Variants in CCND2 observed in about 807,000 individuals in gnomAD.
The protein encoded by CCND2 is cyclin D2.
In CCND2, 6 loss-of-function variants were observed where a neutral mutation model predicts 30.2. That is an observed-to-expected ratio of 0.20 (90% CI 0.11 to 0.39). CCND2 has a LOEUF of 0.39. CCND2 is among the 10% of genes least tolerant of loss of function. The probability of loss-of-function intolerance (pLI) is 1.00; values close to 1 mark genes in which losing one functional copy is unlikely to be tolerated. For missense variants in CCND2, 235 were observed against 373.4 expected, an observed-to-expected ratio of 0.63 and a Z score of 3.06; for synonymous variants, 150 against 153.1, an observed-to-expected ratio of 0.98 and a Z score of 0.15.
intron 2 of CCND2, 28 bp from the exon 3 acceptor site, chr12:4,278,732 C>G: frequency 6.2e-7 from 1 of 1,611,828 alleles, no homozygotes. Flanking sequence ...TTTAGATTCT[C>G]CTCTTCTCTT....
At chr12:4,280,346 C>A (rs1194329098) in intron 3 of CCND2, among the ~76,000 whole-genome samples, 1 of 152,274 alleles carries the variant, frequency 6.6e-6, no homozygotes, top group Non-Finnish European at 1.5e-5. Context: ...TCTGCACTTG[C>A]AGGCTTGAGT....
Position 4,273,984 on chromosome 12 carries a change from G to GA in CCND2, c.-52dup. On this transcript the variant is annotated 5_prime_UTR_variant, in exon 1 of 5. Transcript: ENST00000261254. This position sits in a 1 kb window ranked among gnomAD's most constrained non-coding sequence, Gnocchi z 5.9. ...CCTCCCCTTCCAAAAAACAAAAACA[G>GA]AAAAACCTTTTTCCAGGCCGGGGAA... is the stretch of plus-strand genomic sequence containing the variant. 1.3e-6 allele frequency: 2 copies of GA among 1,551,010 alleles called. No individual in the cohort carries two copies. Among genetic ancestry groups the GA allele is most frequent in the South Asian group, 2.3e-5 (2 of 85,544 alleles).
chr12:4,299,343 G>A lies in CCND2; in HGVS notation c.721-517G>A, dbSNP rs768078372. 2.6e-5 allele frequency among the ~76,000 whole-genome samples: 4 copies of A among 152,202 alleles called. No homozygotes were observed. The highest frequency in any genetic ancestry group is 9.7e-5 in the African/African-American group (4 of 41,442). On this transcript the variant is annotated intron_variant, in intron 4 of 4. Transcript: ENST00000261254. The surrounding 1 kb of genome is among the most constrained non-coding windows in gnomAD (Gnocchi z 5.2). ...CCAGTGCACTCCAGCCTGGGGGACA[G>A]AGTGAGAAAAAGTATTTACAGTTTA... is the stretch of plus-strand genomic sequence containing the variant.
In CCND2 at chr12:4,299,843, C is replaced by T. The variant is rs1388795670; in HGVS notation, c.721-17C>T. ...TGTTCCTCTTACTAACAACTCTGGT[C>T]TGGACCATTGTTCTAGGATTGTCTC... On this transcript the variant is annotated splice_polypyrimidine_tract_variant and intron_variant, in intron 4 of 4. Transcript: ENST00000261254. The surrounding 1 kb of genome is among the most constrained non-coding windows in gnomAD (Gnocchi z 5.2). 1.2e-6 allele frequency: 2 copies of T among 1,612,094 alleles called. No homozygotes were observed. Among genetic ancestry groups the T allele is most frequent in the Non-Finnish European group, 1.7e-6 (2 of 1,178,754 alleles).
intron 3 of CCND2, among the ~76,000 whole-genome samples, chr12:4,284,439 G>T (rs759609317): frequency 3.3e-5 from 5 of 152,216 alleles, no homozygotes; most frequent in Non-Finnish European, 5.9e-5. Flanking sequence ...GTCTGCTTTG[G>T]TTGGAGGGGA....
chr12:4,298,518 C>T (rs1864205336), intron 4 of CCND2, among the ~76,000 whole-genome samples: 1 of 152,208 alleles, frequency 6.6e-6, no homozygotes, highest in East Asian at 1.9e-4. Context: ...GCTGGGATTA[C>T]AGGCATGAGC....
At chr12:4,296,304 G>A (rs1001443368) in intron 4 of CCND2, among the ~76,000 whole-genome samples, 10 of 152,218 alleles carry the variant, frequency 6.6e-5, no homozygotes, top group African/African-American at 1.9e-4. Context: ...AATAGAGCCC[G>A]TGAGGAAGGA....
At chr12:4,297,592 A>AAAG (rs1565438152) in intron 4 of CCND2, among the ~76,000 whole-genome samples, 17 of 150,856 alleles carry the variant, frequency 1.1e-4, no homozygotes, top group African/African-American at 3.7e-4. Context: ...AAAAAAAAAA[A>AAAG]AAAAACAGAA....
In CCND2 at chr12:4,276,300, G is replaced by C; in HGVS notation, c.411+80G>C. The C allele has an allele frequency of 8.3e-7, 1 of 1,209,616 alleles. No individual in the cohort carries two copies. Among genetic ancestry groups the C allele is most frequent in the South Asian group, 1.3e-5 (1 of 74,218 alleles). The allele number at this position is 1,209,616 out of a possible 1,614,324, so 74.9% of individuals were successfully genotyped here. On this transcript the variant is annotated intron_variant, in intron 2 of 4. Transcript: ENST00000261254. This position sits in a 1 kb window ranked among gnomAD's most constrained non-coding sequence, Gnocchi z 4.8. Reference sequence around the variant, plus strand: ...CAACAATATGCCTTCTATCACCACTGCCAGAGCAAATTCTTGGGATCCAGA... The same window carrying C: ...CAACAATATGCCTTCTATCACCACTCCCAGAGCAAATTCTTGGGATCCAGA...
chr12:4,274,468 C>A lies in CCND2; in HGVS notation c.195+233C>A, dbSNP rs892322633. 6.6e-6 allele frequency among the ~76,000 whole-genome samples: 1 copy of A among 152,084 alleles called. No individual in the cohort carries two copies. The highest frequency in any genetic ancestry group is 2.4e-5 in the African/African-American group (1 of 41,398). ...CTGGGAGAAGCGAGGCTGTCCTGGG[C>A]GGGGGTAGGGGAGCATCCCGCGCGC... On this transcript the variant is annotated intron_variant, in intron 1 of 4. Transcript: ENST00000261254. This position sits in a 1 kb window ranked among gnomAD's most constrained non-coding sequence, Gnocchi z 7.7.
At chr12:4,283,938 G>A (rs1863987416) in intron 3 of CCND2, among the ~76,000 whole-genome samples, 1 of 152,216 alleles carries the variant, frequency 6.6e-6, no homozygotes, top group Admixed American at 6.5e-5. Flanking sequence ...GGGACTCGAT[G>A]ATGTCATTTC....
Position 4,278,837 on chromosome 12 carries a change from C to T in CCND2, c.489C>T (p.Ile163=), listed in dbSNP as rs1195221206. 6.2e-7 allele frequency: 1 copy of T among 1,614,222 alleles called. No homozygotes were observed. The part of the protein sequence containing the change: ...AVTPHDFIEH[I]LRKLPQQREK... The stretch of plus-strand genomic sequence containing the variant: ...CTCCTCATGACTTCATTGAGCACAT[C>T]TTGCGCAAGCTGCCCCAGCAGCGGG... The change falls in exon 3 of 5, where the codon ATC becomes ATT. Residue 163 remains isoleucine (I), a synonymous_variant. Coordinates refer to ENST00000261254, the MANE Select transcript of CCND2 (RefSeq NM_001759.4).
chr12:4,299,905 A>G lies in CCND2; in HGVS notation c.766A>G (p.Asn256Asp). ...GGAGCAGATTGAGGCGGTGCTCCTC[A>G]ATAGCCTGCAGCAGTACCGTCAGGA... ...CQEQIEAVLLNSLQQYRQDQR... is the reference protein window; with the variant it reads ...CQEQIEAVLLDSLQQYRQDQR... The change falls in exon 5 of 5, where the codon AAT becomes GAT. Residue 256 changes from asparagine (N) to aspartate (D), a missense_variant. Asn to Asp is a conservative substitution (Grantham distance 23). This residue lies in a region of CCND2 where 57 missense variants were observed against 50.7 expected (regional missense o/e 1.12). Coordinates refer to ENST00000261254, the MANE Select transcript of CCND2 (RefSeq NM_001759.4). This position sits in a 1 kb window ranked among gnomAD's most constrained non-coding sequence, Gnocchi z 5.2. 1.2e-6 allele frequency: 2 copies of G among 1,614,180 alleles called. No homozygotes were observed. The highest frequency in any genetic ancestry group is 1.7e-6 in the Non-Finnish European group (2 of 1,180,010).
chr12:4,286,528 C>T (rs1864025355), intron 3 of CCND2, among the ~76,000 whole-genome samples: 1 of 152,226 alleles, frequency 6.6e-6, no homozygotes, highest in Non-Finnish European at 1.5e-5. Flanking sequence ...CCGTCCTCGT[C>T]TCCAGCGGCG....
chr12:4,281,782 G>A (rs1465980389), intron 3 of CCND2, among the ~76,000 whole-genome samples: 2 of 152,188 alleles, frequency 1.3e-5, no homozygotes, highest in African/African-American at 4.8e-5. Context: ...GAGGGGCCGC[G>A]TAAGTGTGGC....
chr12:4,287,195 A>G lies in CCND2; in HGVS notation c.572-1647A>G, dbSNP rs1591647601. On this transcript the variant is annotated intron_variant, in intron 3 of 4. Coordinates refer to ENST00000261254, the MANE Select transcript of CCND2 (RefSeq NM_001759.4). The surrounding 1 kb of genome is among the most constrained non-coding windows in gnomAD (Gnocchi z 4.0). The stretch of plus-strand genomic sequence containing the variant: ...TGAGAGGGCAATGGAGAAAAAGCCA[A>G]GGAGACAGGCAGATGGCCAGGTTTG... Among the ~76,000 whole-genome samples, 1 of 152,208 alleles carries G rather than the reference A, an allele frequency of 6.6e-6. No homozygotes were observed. The highest frequency in any genetic ancestry group is 1.5e-5 in the Non-Finnish European group (1 of 68,034).
At position 4,287,706 on chromosome 12, in the gene CCND2, A is replaced by C. The variant is rs545916276; in HGVS notation, c.572-1136A>C. Among the ~76,000 whole-genome samples, 4 of 152,292 alleles carry C rather than the reference A, an allele frequency of 2.6e-5. No individual in the cohort carries two copies. Among genetic ancestry groups the C allele is most frequent in the African/African-American group, 7.2e-5 (3 of 41,554 alleles). On this transcript the variant is annotated intron_variant, in intron 3 of 4. Transcript: ENST00000261254. This position sits in a 1 kb window ranked among gnomAD's most constrained non-coding sequence, Gnocchi z 4.0. ...CGCTCGTGTGCATCTTCTGTGGCTG[A>C]TGGGTAAATTAAACAGGACGTAATG...
At chr12:4,289,670 G>A (rs1250540187) in intron 4 of CCND2, among the ~76,000 whole-genome samples, 1 of 152,228 alleles carries the variant, frequency 6.6e-6, no homozygotes, top group Non-Finnish European at 1.5e-5. Context: ...GAGAAGAAAG[G>A]TTTTGAGAGA....
intron 4 of CCND2, among the ~76,000 whole-genome samples, chr12:4,297,439 C>T (rs763383213): frequency 6.6e-6 from 1 of 151,830 alleles, no homozygotes; most frequent in Non-Finnish European, 1.5e-5. Flanking sequence ...GGCGTGGTGG[C>T]ACGTGCCTAT....
Sources: allele counts gnomAD v4.1 joint callset (sites outside exome capture counted in the v4.1 genomes callset), GRCh38; gene constraint gnomAD v4.1.1; regional missense constraint gnomAD v4.1.1; non-coding constraint Gnocchi (gnomAD v3.1); transcripts MANE v1.5; gene names NCBI Gene and HGNC (gene_info 2026-07-23, HGNC 2026-07-21).